The following SLC5A4 variants were observed in gnomAD, a reference collection of about 807,000 sequenced individuals.
SLC5A4 encodes probable glucose sensor protein SLC5A4.
Under a neutral mutation model 70.3 loss-of-function variants are expected in SLC5A4, and 55 were observed. The observed-to-expected ratio is 0.78, with a 90% CI of 0.63 to 0.98. SLC5A4 has a LOEUF of 0.98. SLC5A4 is among the 50% of genes least tolerant of loss of function. The pLI, the probability that SLC5A4 is intolerant of heterozygous loss-of-function variation, is 0.00. For synonymous variants in SLC5A4, 268 were observed against 305.7 expected, an observed-to-expected ratio of 0.88 and a Z score of 1.29; for missense variants, 735 against 839.2, an observed-to-expected ratio of 0.88 and a Z score of 1.53.
chr22:32,332,381 A>G, the SLC5A4 span, among the ~76,000 whole-genome samples: 11 of 152,074 alleles, frequency 7.2e-5, no homozygotes, highest in Admixed American at 2.0e-4. Context: ...GCCTCTGCAC[A>G]TGCTATTTCC....
At chr22:32,307,346 G>A in the SLC5A4 span, among the ~76,000 whole-genome samples, 1 of 152,192 alleles carries the variant, frequency 6.6e-6, no homozygotes, top group Non-Finnish European at 1.5e-5. Flanking sequence ...CTGGGGTGGT[G>A]GGAGCAATGA....
At chr22:32,294,177 C>G in the SLC5A4 span, among the ~76,000 whole-genome samples, 1 of 152,162 alleles carries the variant, frequency 6.6e-6, no homozygotes. Context: ...TTCACATTGC[C>G]TACTGGAACA....
At chr22:32,329,867 G>A in the SLC5A4 span, among the ~76,000 whole-genome samples, 35 of 54,014 alleles carry the variant, frequency 6.5e-4, 3 homozygotes, top group African/African-American at 3.0e-3. Flanking sequence ...TCTGGTGTGT[G>A]TGTGTTGGAG....
the SLC5A4 span, among the ~76,000 whole-genome samples, chr22:32,311,095 C>T: frequency 1.3e-5 from 2 of 152,210 alleles, no homozygotes; most frequent in Non-Finnish European, 2.9e-5. Flanking sequence ...ATCTGGCCTT[C>T]AATCATCTGC....
chr22:32,286,081 T>C, the SLC5A4 span, among the ~76,000 whole-genome samples: 1 of 152,212 alleles, frequency 6.6e-6, no homozygotes, highest in East Asian at 1.9e-4. Flanking sequence ...TTTATTTTTT[T>C]TACTGGCTAG....
intron 5 of SLC5A4, among the ~76,000 whole-genome samples, chr22:32,240,148 A>G (rs943099717): frequency 1.3e-5 from 2 of 151,928 alleles, no homozygotes; most frequent in African/African-American, 4.8e-5. Flanking sequence ...TTGGGGGGTT[A>G]GTTATGATTA....
chr22:32,335,634 G>A, the SLC5A4 span, among the ~76,000 whole-genome samples: 1 of 152,174 alleles, frequency 6.6e-6, no homozygotes, highest in Admixed American at 6.5e-5. Context: ...CACACAGCTG[G>A]GCAGCACGGA....
At chr22:32,237,371 C>G in intron 6 of SLC5A4, 47 bp from the exon 7 acceptor site, 3 of 1,318,864 alleles carry the variant, frequency 2.3e-6, no homozygotes, top group Non-Finnish European at 3.1e-6. Context: ...CATGTGTCCT[C>G]ATGTATTTAC....
At chr22:32,341,499 T>C in the SLC5A4 span, among the ~76,000 whole-genome samples, 1 of 152,250 alleles carries the variant, frequency 6.6e-6, no homozygotes, top group East Asian at 1.9e-4. Flanking sequence ...CTGAAACTCT[T>C]TGTGTTGGCT....
At chr22:32,339,507 T>C in the SLC5A4 span, among the ~76,000 whole-genome samples, 1 of 152,166 alleles carries the variant, frequency 6.6e-6, no homozygotes, top group African/African-American at 2.4e-5. Context: ...AGAGTACAGC[T>C]AGGAGGTGTT....
At chr22:32,292,775 A>T in the SLC5A4 span, among the ~76,000 whole-genome samples, 2 of 152,158 alleles carry the variant, frequency 1.3e-5, no homozygotes, top group Non-Finnish European at 2.9e-5. Flanking sequence ...ATTGTTCTAG[A>T]TATCTCCACT....
At chr22:32,315,275 G>A in the SLC5A4 span, among the ~76,000 whole-genome samples, 3 of 109,970 alleles carry the variant, frequency 2.7e-5, no homozygotes, top group East Asian at 4.0e-4. Context: ...AGAGAAGAAT[G>A]AAACAAAACA....
the SLC5A4 span, chr22:32,269,577 A>T: frequency 3.2e-6 from 2 of 627,234 alleles, no homozygotes; most frequent in Non-Finnish European, 6.2e-6. This position sits in a 1 kb window ranked among gnomAD's most constrained non-coding sequence, Gnocchi z 4.1. Flanking sequence ...CCGTCATCTG[A>T]TCTCTCACCA....
At chr22:32,269,614 T>C in the SLC5A4 span, 4 of 613,628 alleles carry the variant, frequency 6.5e-6, no homozygotes, top group East Asian at 1.2e-4. The surrounding 1 kb of genome is among the most constrained non-coding windows in gnomAD (Gnocchi z 4.1). Flanking sequence ...ACCCAGGCTC[T>C]GGCCGTACCC....
chr22:32,272,310 C>A, the SLC5A4 span: 2 of 817,902 alleles, frequency 2.4e-6, no homozygotes, highest in South Asian at 1.4e-5. Context: ...GCAGAAGGGG[C>A]CCGTGACTGC....
chr22:32,297,297 T>C, the SLC5A4 span, among the ~76,000 whole-genome samples: 1 of 149,808 alleles, frequency 6.7e-6, no homozygotes, highest in African/African-American at 2.4e-5. Flanking sequence ...CTCTTTTTGG[T>C]TGGTAAGCTA....
At chr22:32,248,311 G>A (rs1926949291) in intron 4 of SLC5A4, among the ~76,000 whole-genome samples, 1 of 152,138 alleles carries the variant, frequency 6.6e-6, no homozygotes, top group African/African-American at 2.4e-5. Context: ...TCCTCCCAGT[G>A]TTACAACTTG....
intron 3 of SLC5A4, among the ~76,000 whole-genome samples, chr22:32,250,525 A>G (rs1927079628): frequency 6.6e-6 from 1 of 152,164 alleles, no homozygotes; most frequent in African/African-American, 2.4e-5. Context: ...AATTAGTTCA[A>G]ACATTGTGGA....
the SLC5A4 span, among the ~76,000 whole-genome samples, chr22:32,348,100 T>A: frequency 6.6e-6 from 1 of 152,170 alleles, no homozygotes; most frequent in South Asian, 2.1e-4. Flanking sequence ...GTCTGCATAG[T>A]AAATCCTCCA....
Sources: gnomAD v4.1 joint callset for allele counts (sites outside exome capture counted in the v4.1 genomes callset) on GRCh38, gnomAD v4.1.1 for gene constraint, Gnocchi (gnomAD v3.1) non-coding constraint, MANE v1.5 for transcripts, NCBI Gene and HGNC (gene_info 2026-07-23, HGNC 2026-07-21) for gene names.